The following KRTAP6-2 variants were observed in gnomAD, a reference collection of about 807,000 sequenced individuals.
KRTAP6-2 encodes the protein keratin associated protein 6-2.
Under a neutral mutation model 0.4 loss-of-function variants are expected in KRTAP6-2, and 1 was observed. The ratio of observed to expected loss-of-function variants is 2.37; its 90% CI spans 0.84 to 11.25. KRTAP6-2 has a LOEUF of 11.25. Among genes scored for constraint, KRTAP6-2 ranks in the 30% most tolerant of loss-of-function variants. The pLI is 0.12. For missense variants in KRTAP6-2, 87 were observed against 82.0 expected, an observed-to-expected ratio of 1.06 and a Z score of -0.23; for synonymous variants, 39 against 34.2, an observed-to-expected ratio of 1.14 and a Z score of -0.49.
chr21:30,598,656 A>G (rs758500126), exon 1 of KRTAP6-2: 2 of 1,592,810 alleles, frequency 1.3e-6, no homozygotes, highest in Non-Finnish European at 1.7e-6. Context: ...CCGATGTCAC[A>G]GGATAGAGGA....
exon 1 of KRTAP6-2, chr21:30,598,851 G>C (rs1423017912): frequency 6.2e-7 from 1 of 1,614,038 alleles, no homozygotes; most frequent in Non-Finnish European, 8.5e-7. Flanking sequence ...CGCCGTAGTA[G>C]TTTCCGTAGT....
chr21:30,598,842 GCCGTAGTAGTTT>G (rs1980254142), exon 1 of KRTAP6-2: 1 of 1,613,946 alleles, frequency 6.2e-7, no homozygotes, highest in Admixed American at 1.7e-5. Flanking sequence ...AGCCATGGTC[GCCGTAGTAGTTT>G]CCGTAGTAGC....
exon 1 of KRTAP6-2, chr21:30,598,875 C>T (rs1302409762): frequency 2.5e-6 from 4 of 1,613,270 alleles, no homozygotes; most frequent in East Asian, 2.2e-5. Context: ...TGCCGCACAT[C>T]GTGATGGTTG....
chr21:30,598,860 G>A (rs1980255195), exon 1 of KRTAP6-2: 2 of 1,613,930 alleles, frequency 1.2e-6, no homozygotes, highest in Non-Finnish European at 1.7e-6. Context: ...AGTTTCCGTA[G>A]TAGCTGCCGC....
At chr21:30,598,796 AGCCATAGCCTAG>A in exon 1 of KRTAP6-2, 1 of 1,612,786 alleles carries the variant, frequency 6.2e-7, no homozygotes, top group Non-Finnish European at 8.5e-7. Context: ...AGGCTTCCAT[AGCCATAGCCTAG>A]GCCTTCGTAT....
exon 1 of KRTAP6-2, chr21:30,598,846 T>G (rs1980254505): frequency 1.1e-5 from 17 of 1,613,896 alleles, no homozygotes; most frequent in Non-Finnish European, 1.4e-5. Flanking sequence ...ATGGTCGCCG[T>G]AGTAGTTTCC....
chr21:30,598,648 G>T (rs757602416), exon 1 of KRTAP6-2: 2 of 1,580,886 alleles, frequency 1.3e-6, no homozygotes, highest in Non-Finnish European at 1.7e-6. Context: ...GGTGAATCCC[G>T]ATGTCACAGG....
chr21:30,598,788 G>C, exon 1 of KRTAP6-2: 2 of 1,611,846 alleles, frequency 1.2e-6, no homozygotes, highest in Non-Finnish European at 1.7e-6. Flanking sequence ...CACAGCGCAG[G>C]CTTCCATAGC....
exon 1 of KRTAP6-2, chr21:30,598,736 G>A (rs368922707): frequency 1.1e-5 from 18 of 1,607,526 alleles, no homozygotes; most frequent in Middle Eastern, 1.6e-4. Context: ...CAGAAGAAGC[G>A]GGAGCCGTAG....
At chr21:30,598,702 G>C (rs1371203902) in exon 1 of KRTAP6-2, 2 of 1,613,530 alleles carry the variant, frequency 1.2e-6, no homozygotes, top group East Asian at 4.5e-5. Flanking sequence ...GTAGTAGCCA[G>C]AGCCGCATCC....
At position 30,598,729 on chromosome 21, in the gene KRTAP6-2, A is replaced by T. The variant is rs779068199; in HGVS notation, c.146T>A (p.Phe49Tyr). The T allele has an allele frequency of 1.9e-6, 3 of 1,609,762 alleles. No homozygotes were observed. The highest frequency in any genetic ancestry group is 2.6e-6 in the Non-Finnish European group (3 of 1,176,158). The change falls in exon 1 of 1, where the codon TTC (phenylalanine) becomes TAC (tyrosine). Residue 49 changes from phenylalanine to tyrosine, a missense_variant. By Grantham distance (22) the Phe-to-Tyr change is conservative. Transcript: ENST00000334897. The stretch of plus-strand genomic sequence containing the variant: ...GCCGCATCCATAGCCACAGCCACAG[A>T]AGAAGCGGGAGCCGTAGCCATGACC...
exon 1 of KRTAP6-2, chr21:30,598,694 A>G: frequency 1.2e-6 from 2 of 1,613,430 alleles, no homozygotes; most frequent in Non-Finnish European, 8.5e-7. Flanking sequence ...CCTCAATAGT[A>G]GTAGCCAGAG....
At chr21:30,598,756 T>C (rs1980249118) in exon 1 of KRTAP6-2, 3 of 1,607,562 alleles carry the variant, frequency 1.9e-6, no homozygotes, top group East Asian at 4.5e-5. Context: ...GCCATGACCA[T>C]AGCCACAGCA....
chr21:30,598,761 A>G (rs1568895021), exon 1 of KRTAP6-2: 8 of 1,604,798 alleles, frequency 5.0e-6, no homozygotes, highest in Non-Finnish European at 6.0e-6. Flanking sequence ...GACCATAGCC[A>G]CAGCAGGAGC....
exon 1 of KRTAP6-2, chr21:30,598,784 G>T (rs113947796): frequency 6.2e-7 from 1 of 1,608,482 alleles, no homozygotes; most frequent in East Asian, 2.2e-5. Flanking sequence ...TAGCCACAGC[G>T]CAGGCTTCCA....
At chr21:30,598,628 G>T (rs1980240712) in exon 1 of KRTAP6-2, 2 of 1,557,772 alleles carry the variant, frequency 1.3e-6, no homozygotes, top group Non-Finnish European at 1.7e-6. Context: ...AGCATACGGG[G>T]TTCAGAATTG....
At chr21:30,598,825 CA>C in the KRTAP6-2 span, 5 of 1,613,882 alleles carry the variant, frequency 3.1e-6, no homozygotes, top group Admixed American at 1.7e-5. Context: ...GTATCCACAG[CA>C]CCCATAGCCA....
exon 1 of KRTAP6-2, chr21:30,598,678 C>T (rs1005241273): frequency 3.1e-6 from 5 of 1,609,360 alleles, no homozygotes; most frequent in Admixed American, 3.3e-5. Flanking sequence ...GAGTCTCCCA[C>T]GGTGTCCTCA....
At chr21:30,598,664 G>A (rs768827294) in exon 1 of KRTAP6-2, 7 of 1,603,744 alleles carry the variant, frequency 4.4e-6, no homozygotes, top group East Asian at 4.5e-5. Flanking sequence ...ACAGGATAGA[G>A]GATGAGTCTC....
Sources: gnomAD v4.1 joint callset for allele counts on GRCh38, gnomAD v4.1.1 for gene constraint, MANE v1.5 for transcripts, NCBI Gene and HGNC (gene_info 2026-07-23, HGNC 2026-07-21) for gene names.